Variants in SLC29A4 observed in about 807,000 individuals in gnomAD.
The protein encoded by SLC29A4 is solute carrier family 29 member 4, also known as equilibrative nucleoside transporter 4.
A neutral mutation model predicts 43.9 loss-of-function variants in SLC29A4; 36 were observed. The ratio of observed to expected loss-of-function variants is 0.82; its 90% CI spans 0.63 to 1.08. The LOEUF is 1.08. Ranked by LOEUF, SLC29A4 falls within the 50% of genes least tolerant of loss-of-function variation. SLC29A4 has a pLI of 0.00. For missense variants in SLC29A4, 869 were observed against 755.3 expected, an observed-to-expected ratio of 1.15 and a Z score of -1.77; for synonymous variants, 491 against 338.0, an observed-to-expected ratio of 1.45 and a Z score of -4.97.
intron 6 of SLC29A4, among the ~76,000 whole-genome samples, chr7:5,295,820 G>A (rs1028276986): frequency 1.2e-4 from 17 of 143,232 alleles, no homozygotes; most frequent in Non-Finnish European, 1.7e-4. Flanking sequence ...ATTTTGTGGT[G>A]TGGCCGAGCG....
rs1482889947 is a variant in SLC29A4, at chr7:5,283,031, A to AGCGGGGCG, written c.-56_-49dup. 2.6e-5 allele frequency: 2 copies of AGCGGGGCG among 76,154 alleles called. No individual in the cohort carries two copies. The highest frequency in any genetic ancestry group is 1.0e-4 in the African/African-American group (2 of 19,646). The allele number at this position is 76,154 out of a possible 1,614,324, so 4.7% of individuals were successfully genotyped here. ...GGCGCGCCCGGCCCGAGGCTGGGGG[A>AGCGGGGCG]GCGGGGCGGCGTGGCGGGCGCGCCG... On this transcript the variant is annotated 5_prime_UTR_variant, in exon 1 of 11. Transcript: ENST00000396872.
intron 1 of SLC29A4, among the ~76,000 whole-genome samples, chr7:5,284,626 C>T (rs10269209): frequency 0.26 from 38,921 of 152,136 alleles, 5,386 homozygotes; most frequent in Non-Finnish European, 0.3. Flanking sequence ...GGGTTGCCTT[C>T]CCTGGGGCGC....
At chr7:5,300,117 A>G (rs566068195) in intron 9 of SLC29A4, among the ~76,000 whole-genome samples, 87 of 152,308 alleles carry the variant, frequency 5.7e-4, no homozygotes, top group African/African-American at 2.1e-3. Flanking sequence ...CTATGGTCCC[A>G]GCTAGTCGGG....
chr7:5,283,513 G>A (rs1480508788), intron 1 of SLC29A4, among the ~76,000 whole-genome samples: 8 of 152,164 alleles, frequency 5.3e-5, no homozygotes, highest in Admixed American at 4.6e-4. Context: ...CCTTTGCCTG[G>A]GGGCGCAGGT....
At chr7:5,284,738 C>T (rs1408414756) in intron 1 of SLC29A4, among the ~76,000 whole-genome samples, 1 of 152,192 alleles carries the variant, frequency 6.6e-6, no homozygotes, top group African/African-American at 2.4e-5. Flanking sequence ...CCCCCTCCAC[C>T]ATGGGGACAG....
Position 5,300,464 on chromosome 7 carries a change from C to T in SLC29A4, c.1252C>T (p.Leu418=), listed in dbSNP as rs1786063856. Residue 418 remains leucine, a synonymous_variant, in exon 10 of 11, where the codon CTG becomes TTG. Coordinates refer to ENST00000396872, the MANE Select transcript of SLC29A4 (RefSeq NM_153247.4). ...CGTGGACTGGCGGGGCACCCACCTGCTGGCCTGCTCCTGCCTGCGTGTGGT... is the reference window on the plus strand; with the variant it reads ...CGTGGACTGGCGGGGCACCCACCTGTTGGCCTGCTCCTGCCTGCGTGTGGT... ...LPVDWRGTHL[L]ACSCLRVVFI... is the part of the protein sequence containing the mutation. 2 of 1,611,398 alleles carry T rather than the reference C, an allele frequency of 1.2e-6. No homozygotes were observed. Among genetic ancestry groups the T allele is most frequent in the Non-Finnish European group, 1.7e-6 (2 of 1,179,736 alleles).
rs1583691269 is a variant in SLC29A4 at position 5,304,396 on chromosome 7, A to AG, written c.*1460dup. On this transcript the variant is annotated 3_prime_UTR_variant, in exon 11 of 11. Coordinates refer to ENST00000396872, the MANE Select transcript of SLC29A4 (RefSeq NM_153247.4). Reference sequence around the variant, plus strand: ...GGGCGGGGCTTGGCCCCTGCCCCTCAGGGACTGCACTGCATCCTAGGAGTC... The same window carrying AG: ...GGGCGGGGCTTGGCCCCTGCCCCTCAGGGGACTGCACTGCATCCTAGGAGTC... The AG allele has an allele frequency of 6.9e-6, 1 of 144,592 alleles. No homozygotes were observed. The highest frequency in any genetic ancestry group is 2.1e-4 in the East Asian group (1 of 4,750). The allele number at this position is 144,592 out of a possible 1,614,324, so 9.0% of individuals were successfully genotyped here.
Position 5,291,565 on chromosome 7 carries a change from C to T in SLC29A4, c.416-128C>T, listed in dbSNP as rs747534660. 17 of 1,290,112 alleles carry T rather than the reference C, an allele frequency of 1.3e-5. No individual in the cohort carries two copies. In the East Asian group the frequency reaches 1.7e-4, roughly 13 times the overall value. 79.9% of individuals were successfully genotyped at this position (1,290,112 alleles called of 1,614,324 possible). On this transcript the variant is annotated intron_variant, in intron 4 of 10. Transcript: ENST00000396872. The stretch of plus-strand genomic sequence containing the variant: ...AGGTGCCCCTGTTAGACTCGTAAAG[C>T]ATCCCTGGCCCTCCTTAAAGGGGAA...
Position 5,296,929 on chromosome 7 carries a change from C to A in SLC29A4, c.620-7C>A. 6.3e-7 allele frequency: 1 copy of A among 1,586,394 alleles called. No homozygotes were observed. Among genetic ancestry groups the A allele is most frequent in the East Asian group, 2.2e-5 (1 of 44,718 alleles). On this transcript the variant is annotated splice_polypyrimidine_tract_variant and splice_region_variant and intron_variant, in intron 6 of 10. Transcript: ENST00000396872. The stretch of plus-strand genomic sequence containing the variant: ...TCAGGCCCCGGCCCACTGTGCACGC[C>A]CCCCAGGCACGGCGGGCGTGATGAT...
chr7:5,294,813 C>G (rs754908060), intron 5 of SLC29A4, 47 bp from the exon 6 acceptor site: 1 of 1,586,706 alleles, frequency 6.3e-7, no homozygotes. Context: ...CCCAAGTTGA[C>G]AGGTGATAAT....
At chr7:5,283,680 T>A (rs11760365) in intron 1 of SLC29A4, among the ~76,000 whole-genome samples, 79,981 of 151,786 alleles carry the variant, frequency 0.53, 21,254 homozygotes, top group Non-Finnish European at 0.55. Flanking sequence ...GAGGGGCTTG[T>A]AACCCACCCC....
intron 10 of SLC29A4, among the ~76,000 whole-genome samples, chr7:5,300,981 G>A (rs1207277621): frequency 1.3e-5 from 2 of 152,148 alleles, no homozygotes; most frequent in Non-Finnish European, 2.9e-5. Context: ...AGCCCAGGCC[G>A]GGCACAGTGG....
intron 1 of SLC29A4, among the ~76,000 whole-genome samples, chr7:5,284,846 C>T (rs1784857244): frequency 6.6e-6 from 1 of 152,236 alleles, no homozygotes; most frequent in Non-Finnish European, 1.5e-5. Context: ...CCAAGCACGT[C>T]CGCCTTCCTG....
chr7:5,289,712 T>C (rs960198491), intron 2 of SLC29A4, among the ~76,000 whole-genome samples: 1 of 151,964 alleles, frequency 6.6e-6, no homozygotes, highest in African/African-American at 2.4e-5. Context: ...CCCTTGCCGG[T>C]GTGGCTCCCA....
At chr7:5,289,252 C>G (rs1188449192) in intron 2 of SLC29A4, among the ~76,000 whole-genome samples, 1 of 152,090 alleles carries the variant, frequency 6.6e-6, no homozygotes, top group Non-Finnish European at 1.5e-5. Flanking sequence ...CAAAAATTAG[C>G]CGGGTGTGGT....
Position 5,304,174 on chromosome 7 carries a change from AGGTGGGCCG to A in SLC29A4, c.*1241_*1249del, listed in dbSNP as rs1238598336. On this transcript the variant is annotated 3_prime_UTR_variant, in exon 11 of 11. Transcript: ENST00000396872. ...CCGGTCCTCAGTCTTCCCATCTGTG[AGGTGGGCCG>A]GGTGGATCAGGGAGCAGGAGGGTGT... The A allele has an allele frequency of 2.0e-5, 3 of 152,378 alleles. No homozygotes were observed. The highest frequency in any genetic ancestry group is 7.2e-5 in the African/African-American group (3 of 41,450). 9.4% of individuals were successfully genotyped at this position (152,378 alleles called of 1,614,324 possible).
chr7:5,288,892 C>T (rs897808279), intron 2 of SLC29A4, among the ~76,000 whole-genome samples: 11 of 152,118 alleles, frequency 7.2e-5, no homozygotes, highest in Non-Finnish European at 1.2e-4. Context: ...TACCTCCCAT[C>T]CTTTACCCAC....
In SLC29A4 at chr7:5,290,741, AGC is replaced by A; in HGVS notation, c.180_181del (p.Glu60AspfsTer5). 6.2e-7 allele frequency: 1 copy of A among 1,611,574 alleles called. No homozygotes were observed. Among genetic ancestry groups the A allele is most frequent in the Non-Finnish European group, 8.5e-7 (1 of 1,178,274 alleles). On this transcript the variant is annotated frameshift_variant, in exon 3 of 11. Transcript: ENST00000396872. LOFTEE classifies it high-confidence loss of function. ...GTGTCTCTGGCTTTAGCATTGGACG[AGC>A]CAGTGCCCGATGACCGTTATCACGC...
In SLC29A4 at chr7:5,287,975, C is replaced by T; in HGVS notation, c.159C>T (p.Phe53=). ...TTAGGGCCAGGGGCGTCCCAGCTTT[C>T]ACGGATACTAGTAAGTAGGCGTGCG... The part of the protein sequence containing the change: ...QGLRARGVPA[F]TDTTLDEPVP... Residue 53 remains phenylalanine (F), a synonymous_variant, in exon 2 of 11, where the codon TTC becomes TTT. Coordinates refer to ENST00000396872, the MANE Select transcript of SLC29A4 (RefSeq NM_153247.4). The T allele has an allele frequency of 1.2e-6, 2 of 1,608,774 alleles. No individual in the cohort carries two copies. The highest frequency in any genetic ancestry group is 1.1e-5 in the South Asian group (1 of 90,640).
Sources: gnomAD v4.1 joint callset for allele counts (sites outside exome capture counted in the v4.1 genomes callset) on GRCh38, gnomAD v4.1.1 for gene constraint, MANE v1.5 for transcripts, NCBI Gene and HGNC (gene_info 2026-07-23, HGNC 2026-07-21) for gene names.